The following ZNF415 variants were observed in gnomAD, a reference collection of about 807,000 sequenced individuals.
ZNF415 encodes zinc finger protein 415.
Under a neutral mutation model 7.3 loss-of-function variants are expected in ZNF415, and 5 were observed. The ratio of observed to expected loss-of-function variants is 0.69; its 90% CI spans 0.36 to 1.44. The LOEUF (loss-of-function observed/expected upper bound fraction) is 1.44. ZNF415 is among the 40% of genes most tolerant of loss of function. ZNF415 has a pLI of 0.04. For missense variants in ZNF415, 628 were observed against 664.8 expected (o/e 0.94, Z 0.61); for synonymous variants, 207 against 226.3 (o/e 0.91, Z 0.77).
At position 53,111,952 on chromosome 19, in the gene ZNF415, T is replaced by A. The variant is rs532607876; in HGVS notation, c.137-2044A>T. Among the ~76,000 whole-genome samples the A allele has an allele frequency of 4.6e-5, 7 of 152,312 alleles. No homozygotes were observed. In the East Asian group the frequency reaches 1.4e-3, roughly 29 times the overall value. Reference sequence around the variant, plus strand: ...GCAGGCTCAGACTTTTTTTTATTTTTATTTTTGGAGACACAGTCTCGCTCT... The same window carrying A: ...GCAGGCTCAGACTTTTTTTTATTTTAATTTTTGGAGACACAGTCTCGCTCT... On this transcript the variant is annotated intron_variant, in intron 3 of 3. Transcript: ENST00000243643.
chr19:53,108,924 T>C lies in ZNF415; in HGVS notation c.1121A>G (p.His374Arg), dbSNP rs956402536. The C allele has an allele frequency of 6.2e-7, 1 of 1,614,040 alleles. No homozygotes were observed. The highest frequency in any genetic ancestry group is 1.3e-5 in the African/African-American group (1 of 74,926). The change falls in exon 4 of 4, where the codon CAT (histidine) becomes CGT (arginine). Residue 374 changes from histidine to arginine, a missense_variant. Transcript: ENST00000243643. ...VFSQTSSLAT[H>R]QRIHTGEKPY... is the part of the protein sequence containing the mutation. ...TTTCTCCCCAGTGTGAATTCTCTGA[T>C]GAGTTGCAAGGCTTGAAGTCTGACT... is the stretch of plus-strand genomic sequence containing the variant.
intron 2 of ZNF415, among the ~76,000 whole-genome samples, chr19:53,118,819 T>C (rs1025077937): frequency 2.6e-5 from 4 of 152,080 alleles, no homozygotes; most frequent in Non-Finnish European, 5.9e-5. Flanking sequence ...GGGAAGTTTA[T>C]AGTAATAAAC....
In ZNF415 at chr19:53,108,505, G is replaced by C. The variant is rs1600973026; in HGVS notation, c.1540C>G (p.His514Asp). The change falls in exon 4 of 4, where the codon CAT becomes GAT. Residue 514 changes from histidine to aspartate, a missense_variant. By Grantham distance (81) the His-to-Asp change is moderately conservative. Coordinates refer to ENST00000243643, the MANE Select transcript of ZNF415 (RefSeq NM_018355.4). ...SFSVRPNLTR[H>D]QIIHTGKKPY... Reference sequence around the variant, plus strand: ...TTCTTTCCAGTATGGATTATCTGATGTCTAGTGAGGTTTGGGCGCACACTA... The same window carrying C: ...TTCTTTCCAGTATGGATTATCTGATCTCTAGTGAGGTTTGGGCGCACACTA... The C allele has an allele frequency of 6.2e-7, 1 of 1,614,154 alleles. No homozygotes were observed. Among genetic ancestry groups the C allele is most frequent in the South Asian group, 1.1e-5 (1 of 91,082 alleles).
At chr19:53,118,971 C>A (rs1318463399) in intron 2 of ZNF415, among the ~76,000 whole-genome samples, 1 of 151,346 alleles carries the variant, frequency 6.6e-6, no homozygotes, top group Non-Finnish European at 1.5e-5. Context: ...ATGGTAAAAC[C>A]CCATCTCTAC....
At chr19:53,121,463 C>T (rs866942926) in intron 2 of ZNF415, among the ~76,000 whole-genome samples, 1 of 151,982 alleles carries the variant, frequency 6.6e-6, no homozygotes, top group South Asian at 2.1e-4. Context: ...CGCCCTGTCA[C>T]CCAGGCTGGA....
intron 1 of ZNF415, among the ~76,000 whole-genome samples, chr19:53,127,875 C>CAAA (rs35037197): frequency 0.45 from 56,407 of 125,146 alleles, 12,259 homozygotes; most frequent in African/African-American, 0.5. Flanking sequence ...GACACCGTCT[C>CAAA]AAAAAAAAAA....
At chr19:53,119,438 C>T (rs2087617105) in intron 2 of ZNF415, among the ~76,000 whole-genome samples, 1 of 91,114 alleles carries the variant, frequency 1.1e-5, no homozygotes, top group African/African-American at 4.2e-5. Flanking sequence ...GAGCAAGACT[C>T]CATCTCAAAA....
At chr19:53,129,023 C>T (rs139212556) in intron 1 of ZNF415, among the ~76,000 whole-genome samples, 303 of 145,692 alleles carry the variant, frequency 2.1e-3, no homozygotes, top group African/African-American at 7.1e-3. Context: ...TAGAGAGTGA[C>T]GGGCAGAGAG....
intron 2 of ZNF415, among the ~76,000 whole-genome samples, chr19:53,119,959 A>T (rs550941157): frequency 1.3e-5 from 2 of 150,396 alleles, no homozygotes; most frequent in African/African-American, 4.9e-5. Context: ...AATTCTATCA[A>T]ACTTTCAAAG....
chr19:53,116,355 T>C lies in ZNF415; in HGVS notation c.94A>G (p.Arg32Gly). Residue 32 changes from arginine to glycine, a missense_variant, in exon 3 of 4, where the codon AGG becomes GGG. Arg to Gly is a moderately radical substitution (Grantham distance 125, BLOSUM62 -2). Coordinates refer to ENST00000243643, the MANE Select transcript of ZNF415 (RefSeq NM_018355.4). Reference sequence around the variant, plus strand: ...CTGTAGTTCTCCAACATCACATCCCTGTATAAAGTCCTCTGTGTAGAGTTC... The same window carrying C: ...CTGTAGTTCTCCAACATCACATCCCCGTATAAAGTCCTCTGTGTAGAGTTC... Reference protein sequence around the residue: ...CLNSTQRTLYRDVMLENYRNL... With the variant: ...CLNSTQRTLYGDVMLENYRNL... 1 of 1,613,286 alleles carries C rather than the reference T, an allele frequency of 6.2e-7. No homozygotes were observed. Among genetic ancestry groups the C allele is most frequent in the Non-Finnish European group, 8.5e-7 (1 of 1,179,788 alleles).
At chr19:53,127,875 C>CA (rs35037197) in intron 1 of ZNF415, among the ~76,000 whole-genome samples, 6,059 of 126,232 alleles carry the variant, frequency 0.048, 457 homozygotes, top group African/African-American at 0.15. Context: ...GACACCGTCT[C>CA]AAAAAAAAAA....
At chr19:53,127,605 G>T (rs550494144) in intron 1 of ZNF415, among the ~76,000 whole-genome samples, 1 of 152,170 alleles carries the variant, frequency 6.6e-6, no homozygotes, top group African/African-American at 2.4e-5. Context: ...TCGGCCGGGC[G>T]TGGTGGCTCC....
chr19:53,125,215 T>C (rs2088844431), intron 1 of ZNF415, among the ~76,000 whole-genome samples: 2 of 151,944 alleles, frequency 1.3e-5, no homozygotes, highest in African/African-American at 4.8e-5. Flanking sequence ...GGCTAATTTC[T>C]GTATTTTTAG....
intron 1 of ZNF415, among the ~76,000 whole-genome samples, chr19:53,126,576 A>G (rs1407421343): frequency 1.5e-5 from 2 of 131,508 alleles, no homozygotes; most frequent in Non-Finnish European, 3.5e-5. Context: ...GGGAGGGGAG[A>G]AAGGAGAGAC....
At chr19:53,126,067 A>G (rs1229950601) in intron 1 of ZNF415, among the ~76,000 whole-genome samples, 1 of 151,142 alleles carries the variant, frequency 6.6e-6, no homozygotes, top group Non-Finnish European at 1.5e-5. Context: ...TTGTTGAATA[A>G]ATGAGCAGAA....
intron 3 of ZNF415, among the ~76,000 whole-genome samples, chr19:53,111,404 G>A (rs1028060533): frequency 4.1e-5 from 6 of 147,204 alleles, no homozygotes; most frequent in Admixed American, 2.8e-4. Flanking sequence ...GTACAATGGC[G>A]CAATCTCGGC....
chr19:53,129,891 T>C (rs2089819325), intron 1 of ZNF415, among the ~76,000 whole-genome samples: 1 of 151,790 alleles, frequency 6.6e-6, no homozygotes, highest in African/African-American at 2.4e-5. Context: ...TGATGAAAGC[T>C]CATCTCTATC....
intron 3 of ZNF415, among the ~76,000 whole-genome samples, chr19:53,110,798 T>C (rs2086114322): frequency 6.6e-6 from 1 of 152,180 alleles, no homozygotes; most frequent in Admixed American, 6.5e-5. Context: ...CATAGCATTA[T>C]AAAGAAGAAT....
intron 1 of ZNF415, among the ~76,000 whole-genome samples, chr19:53,129,878 A>G (rs1382113183): frequency 6.6e-6 from 1 of 152,138 alleles, no homozygotes; most frequent in Non-Finnish European, 1.5e-5. Flanking sequence ...AGCCTGGCCA[A>G]CATGATGAAA....
Sources: allele counts gnomAD v4.1 joint callset (sites outside exome capture counted in the v4.1 genomes callset), GRCh38; gene constraint gnomAD v4.1.1; transcripts MANE v1.5; gene names NCBI Gene and HGNC (gene_info 2026-07-23, HGNC 2026-07-21).